PIBF1: variants seen among roughly 807,000 people sequenced by gnomAD.
PIBF1 encodes the protein progesterone immunomodulatory binding factor 1.
Under a neutral mutation model 112.5 loss-of-function variants are expected in PIBF1, and 90 were observed. That is an observed-to-expected ratio of 0.80 (90% CI 0.67 to 0.95). The LOEUF (loss-of-function observed/expected upper bound fraction) is 0.95, where lower values mean the gene tolerates loss of function less well. Ranked by LOEUF, PIBF1 falls within the 40% of genes least tolerant of loss-of-function variation. The probability of loss-of-function intolerance (pLI) is 0.00; values close to 1 mark genes in which losing one functional copy is unlikely to be tolerated. For missense variants in PIBF1, 915 were observed against 852.3 expected, an observed-to-expected ratio of 1.07 and a Z score of -0.92; for synonymous variants, 301 against 288.6, an observed-to-expected ratio of 1.04 and a Z score of -0.44.
intron 15 of PIBF1, among the ~76,000 whole-genome samples, chr13:72,968,300 T>C (rs376908025): frequency 6.6e-6 from 1 of 151,886 alleles, no homozygotes; most frequent in Admixed American, 6.6e-5. Flanking sequence ...TTGTTCTTTT[T>C]TTTCTTTTCT....
rs148477064 is a variant in PIBF1, at chr13:72,848,090, C to T, written c.1224-5967C>T. Among the ~76,000 whole-genome samples the T allele has an allele frequency of 1.4e-3, 212 of 152,248 alleles. 1 individual carries two copies. The highest frequency in any genetic ancestry group is 6.8e-3 in the Middle Eastern group (2 of 294). ...ATTGCTTAGTTGCGCCTGCTGAGCT[C>T]TTCTGATAGCCATGGTTATTTTTGT... On this transcript the variant is annotated intron_variant, in intron 9 of 17. Transcript: ENST00000326291.
intron 5 of PIBF1, among the ~76,000 whole-genome samples, chr13:72,801,130 T>C (rs986995491): frequency 6.6e-6 from 1 of 152,114 alleles, no homozygotes; most frequent in Non-Finnish European, 1.5e-5. Context: ...ATCAGAGAGG[T>C]AATGAGTCTG....
chr13:72,783,767 C>A, intron 2 of PIBF1, 46 bp downstream of exon 2: 1 of 1,529,328 alleles, frequency 6.5e-7, no homozygotes, highest in South Asian at 1.2e-5. Context: ...TTATTGTCTT[C>A]AAACGGCAGG....
intron 5 of PIBF1, among the ~76,000 whole-genome samples, chr13:72,809,558 T>C (rs879852971): frequency 3.2e-4 from 49 of 151,780 alleles, no homozygotes; most frequent in Non-Finnish European, 5.4e-4. Flanking sequence ...ATTAAAACTG[T>C]TTAAGAAATT....
chr13:72,831,357 A>AG (rs2037102692), intron 8 of PIBF1, among the ~76,000 whole-genome samples: 1 of 152,104 alleles, frequency 6.6e-6, no homozygotes, highest in South Asian at 2.1e-4. Flanking sequence ...TTTTGATGTT[A>AG]GGGTGTCAGT....
intron 11 of PIBF1, among the ~76,000 whole-genome samples, chr13:72,906,847 C>G (rs1036510478): frequency 1.3e-5 from 2 of 151,964 alleles, no homozygotes; most frequent in African/African-American, 2.4e-5. Context: ...AGTATCAGCT[C>G]TGCTGTGGGA....
intron 10 of PIBF1, chr13:72,881,290 A>C (rs2039622927): frequency 6.6e-6 from 1 of 152,232 alleles, no homozygotes; most frequent in Admixed American, 6.5e-5. Context: ...AAATTCAGTA[A>C]AGTTGCAGGA....
At chr13:72,937,743 G>A (rs1423430307) in intron 14 of PIBF1, among the ~76,000 whole-genome samples, 2 of 151,968 alleles carry the variant, frequency 1.3e-5, no homozygotes, top group African/African-American at 4.8e-5. Flanking sequence ...TGAACCTAGG[G>A]GTTCGAGGTT....
chr13:72,976,236 T>C (rs1212185887), intron 16 of PIBF1, among the ~76,000 whole-genome samples: 1 of 151,868 alleles, frequency 6.6e-6, no homozygotes, highest in African/African-American at 2.4e-5. Flanking sequence ...GAATAGCCAC[T>C]GCACTCCAGC....
At chr13:72,798,925 A>G (rs909643468) in intron 5 of PIBF1, among the ~76,000 whole-genome samples, 1 of 152,222 alleles carries the variant, frequency 6.6e-6, no homozygotes, top group African/African-American at 2.4e-5. Flanking sequence ...AGTGCAGTTA[A>G]CTCTCATAAT....
intron 9 of PIBF1, among the ~76,000 whole-genome samples, chr13:72,844,584 A>C (rs538658383): frequency 2.6e-5 from 4 of 152,034 alleles, no homozygotes; most frequent in African/African-American, 9.7e-5. Context: ...GAGAACATTC[A>C]GTGTTTCGGT....
At position 72,859,085 on chromosome 13, in the gene PIBF1, C is replaced by T. The variant is rs879688216; in HGVS notation, c.1322+4930C>T. Among the ~76,000 whole-genome samples the T allele has an allele frequency of 2.3e-4, 35 of 151,970 alleles. 1 individual carries two copies. The highest frequency in any genetic ancestry group is 1.2e-4 in the Non-Finnish European group (8 of 67,964). ...CATTGTCAGACGTGATGTTTCTAAC[C>T]ATTTAGGATTGCTTTGAGCCTTAGA... is the stretch of plus-strand genomic sequence containing the variant. On this transcript the variant is annotated intron_variant, in intron 10 of 17. Coordinates refer to ENST00000326291, the MANE Select transcript of PIBF1 (RefSeq NM_006346.4).
intron 17 of PIBF1, among the ~76,000 whole-genome samples, chr13:73,003,726 T>C (rs768669797): frequency 3.3e-5 from 5 of 152,118 alleles, no homozygotes; most frequent in Non-Finnish European, 7.3e-5. Flanking sequence ...TGTTTTATTT[T>C]TGAGACACGG....
chr13:72,859,924 A>G (rs1334926140), intron 10 of PIBF1, among the ~76,000 whole-genome samples: 5 of 152,200 alleles, frequency 3.3e-5, no homozygotes, highest in Admixed American at 3.3e-4. Context: ...ACTACCTACA[A>G]GTATTTTAAG....
At chr13:72,896,489 T>A (rs565414982) in intron 11 of PIBF1, among the ~76,000 whole-genome samples, 5 of 152,082 alleles carry the variant, frequency 3.3e-5, no homozygotes, top group Admixed American at 6.6e-5. Flanking sequence ...AGGAGGTTAG[T>A]TATTGAGCTA....
At chr13:73,005,555 T>TAAG (rs2044007282) in intron 17 of PIBF1, among the ~76,000 whole-genome samples, 10 of 151,986 alleles carry the variant, frequency 6.6e-5, no homozygotes, top group South Asian at 4.2e-4. Flanking sequence ...TGTAAGTAGG[T>TAAG]TACAAAAATA....
intron 16 of PIBF1, among the ~76,000 whole-genome samples, chr13:72,977,800 AC>A (rs1454110413): frequency 2.0e-5 from 3 of 152,192 alleles, no homozygotes; most frequent in African/African-American, 7.2e-5. Context: ...TTGATCTCTT[AC>A]AATTGAGTAT....
chr13:72,927,953 A>ATATGTATG (rs1463641682), intron 13 of PIBF1, among the ~76,000 whole-genome samples: 1 of 63,244 alleles, frequency 1.6e-5, no homozygotes, highest in African/African-American at 6.3e-5. Flanking sequence ...GTGTATATAT[A>ATATGTATG]TATATACACA....
intron 2 of PIBF1, among the ~76,000 whole-genome samples, chr13:72,792,091 T>C (rs1430795149): frequency 6.6e-6 from 1 of 150,860 alleles, no homozygotes; most frequent in Admixed American, 6.6e-5. Context: ...AGGTCAGGAG[T>C]TCAAGAACAC....
Sources: gnomAD v4.1 joint callset for allele counts (sites outside exome capture counted in the v4.1 genomes callset) on GRCh38, gnomAD v4.1.1 for gene constraint, MANE v1.5 for transcripts, NCBI Gene and HGNC (gene_info 2026-07-23, HGNC 2026-07-21) for gene names.